The following TIAM2 variants were observed in gnomAD, a reference collection of about 807,000 sequenced individuals.
The protein encoded by TIAM2 is rho guanine nucleotide exchange factor TIAM2.
In TIAM2, 80 loss-of-function variants were observed where a neutral mutation model predicts 152.9. The ratio of observed to expected loss-of-function variants is 0.52; its 90% CI spans 0.44 to 0.63. The LOEUF (loss-of-function observed/expected upper bound fraction) is 0.63. Ranked by LOEUF, TIAM2 falls within the 30% of genes least tolerant of loss-of-function variation. TIAM2 has a pLI of 0.00. For synonymous variants in TIAM2, 804 were observed against 838.0 expected (o/e 0.96, Z 0.70); for missense variants, 1,965 against 2,120.1 (o/e 0.93, Z 1.44).
At chr6:155,112,039 A>G (rs1297021090) in intron 2 of TIAM2, among the ~76,000 whole-genome samples, 1 of 152,004 alleles carries the variant, frequency 6.6e-6, no homozygotes, top group Non-Finnish European at 1.5e-5. Flanking sequence ...TATTTGAATC[A>G]GAAACATTTG....
chr6:155,110,881 T>G (rs891989141), intron 2 of TIAM2, among the ~76,000 whole-genome samples: 1 of 152,170 alleles, frequency 6.6e-6, no homozygotes, highest in Non-Finnish European at 1.5e-5. Context: ...TTCCTAGGAC[T>G]TGAATAAAGG....
chr6:155,237,282 G>T (rs1782814808), intron 15 of TIAM2, among the ~76,000 whole-genome samples: 1 of 152,242 alleles, frequency 6.6e-6, no homozygotes, highest in Non-Finnish European at 1.5e-5. Flanking sequence ...TCACACTGAT[G>T]CAAGAGGTGG....
At chr6:155,094,161 T>C (rs1409958859) in intron 2 of TIAM2, among the ~76,000 whole-genome samples, 3 of 152,200 alleles carry the variant, frequency 2.0e-5, no homozygotes, top group Non-Finnish European at 2.9e-5. Flanking sequence ...TCTGGCAACA[T>C]TGGGTTCTAC....
intron 4 of TIAM2, among the ~76,000 whole-genome samples, chr6:155,130,726 G>C (rs992127768): frequency 1.3e-5 from 2 of 152,174 alleles, no homozygotes; most frequent in African/African-American, 2.4e-5. Context: ...CTGGAGGCTG[G>C]AAGTCAGAGG....
At chr6:155,183,960 C>T (rs1207633914) in intron 14 of TIAM2, among the ~76,000 whole-genome samples, 1 of 152,076 alleles carries the variant, frequency 6.6e-6, no homozygotes, top group East Asian at 1.9e-4. Flanking sequence ...TATTAATAAA[C>T]AGCAAACTTT....
chr6:155,062,468 T>G (rs1777605069), intron 1 of TIAM2, among the ~76,000 whole-genome samples: 1 of 151,942 alleles, frequency 6.6e-6, no homozygotes, highest in Admixed American at 6.6e-5. Context: ...TTGCTCCATA[T>G]CCTCACCAGC....
intron 1 of TIAM2, among the ~76,000 whole-genome samples, chr6:155,001,534 A>G (rs1778312487): frequency 6.6e-6 from 1 of 152,220 alleles, no homozygotes; most frequent in African/African-American, 2.4e-5. Flanking sequence ...GTGCCCTGAG[A>G]AGGTTCCCTG....
chr6:155,247,629 C>T (rs948588317), intron 19 of TIAM2, among the ~76,000 whole-genome samples: 10 of 152,360 alleles, frequency 6.6e-5, no homozygotes, highest in East Asian at 1.9e-4. Flanking sequence ...CACCTGGCCA[C>T]GCTTCATGGC....
intron 16 of TIAM2, among the ~76,000 whole-genome samples, chr6:155,242,314 CTTTT>C (rs1479595740): frequency 6.6e-6 from 1 of 152,220 alleles, no homozygotes. Context: ...TTCTTCATTT[CTTTT>C]TTGTTGCTGA....
chr6:155,128,949 C>T lies in TIAM2; in HGVS notation c.-6-269C>T, dbSNP rs1043612709. Among the ~76,000 whole-genome samples, 10 of 152,234 alleles carry T rather than the reference C, an allele frequency of 6.6e-5. No homozygotes were observed. In the East Asian group the frequency reaches 1.5e-3, roughly 23 times the overall value. On this transcript the variant is annotated intron_variant, in intron 3 of 26. Transcript: ENST00000682666. Reference sequence around the variant, plus strand: ...CTTTCTCATAAGCTGATTTTTATGCCTGTTCGCCTTCTAAATTAATATTGT... The same window carrying T: ...CTTTCTCATAAGCTGATTTTTATGCTTGTTCGCCTTCTAAATTAATATTGT...
chr6:155,153,568 G>A (rs1583217265), intron 7 of TIAM2, among the ~76,000 whole-genome samples: 1 of 151,218 alleles, frequency 6.6e-6, no homozygotes, highest in South Asian at 2.1e-4. Context: ...TATGTTTGCT[G>A]TGCCCGCTGT....
chr6:155,072,584 T>C (rs1011594141), intron 1 of TIAM2, among the ~76,000 whole-genome samples: 3 of 152,122 alleles, frequency 2.0e-5, no homozygotes. Flanking sequence ...AGGGTAGGGT[T>C]GAAAAAGAAT....
chr6:155,185,421 C>T lies in TIAM2; in HGVS notation c.3064+1921C>T, dbSNP rs564409284. ...GGATTACAGGTGTAAGCAACCGCGC[C>T]CGGCTGTTTTTCTTTTCTTTTTAAA... On this transcript the variant is annotated intron_variant, in intron 14 of 26. Transcript: ENST00000682666. Among the ~76,000 whole-genome samples the T allele has an allele frequency of 2.0e-5, 3 of 151,998 alleles. No individual in the cohort carries two copies. The South Asian group carries it at 6.2e-4, about 32-fold the overall frequency.
chr6:155,228,960 A>G (rs539455622), intron 15 of TIAM2, among the ~76,000 whole-genome samples: 6 of 152,262 alleles, frequency 3.9e-5, no homozygotes, highest in South Asian at 4.1e-4. Flanking sequence ...CATGCCCCCT[A>G]GGCACTCAGG....
chr6:155,161,037 A>G (rs1391360425), intron 7 of TIAM2, among the ~76,000 whole-genome samples: 1 of 152,178 alleles, frequency 6.6e-6, no homozygotes, highest in Non-Finnish European at 1.5e-5. Flanking sequence ...TTGACTTTCC[A>G]ACAAACCTAA....
At chr6:155,065,501 A>C (rs943171811) in intron 1 of TIAM2, among the ~76,000 whole-genome samples, 1 of 152,000 alleles carries the variant, frequency 6.6e-6, no homozygotes, top group South Asian at 2.1e-4. Flanking sequence ...TTTTAGGTCC[A>C]GCGCAGTGGC....
At chr6:155,128,834 C>T (rs1779363211) in intron 3 of TIAM2, among the ~76,000 whole-genome samples, 1 of 151,966 alleles carries the variant, frequency 6.6e-6, no homozygotes, top group South Asian at 2.1e-4. Flanking sequence ...GCACTGCACT[C>T]CAGCCTGGAT....
intron 7 of TIAM2, among the ~76,000 whole-genome samples, chr6:155,149,651 G>C (rs1331035055): frequency 1.3e-5 from 2 of 152,138 alleles, no homozygotes; most frequent in African/African-American, 4.8e-5. Flanking sequence ...GGCTGGGCAT[G>C]GTGGCTGACG....
intron 16 of TIAM2, 36 bp from the exon 17 acceptor site, chr6:155,243,975 A>G (rs367605736): frequency 5.6e-6 from 9 of 1,599,574 alleles, no homozygotes; most frequent in Non-Finnish European, 7.7e-6. Flanking sequence ...TTTGGAGACT[A>G]AAGCGTTGAA....
Sources: allele counts gnomAD v4.1 joint callset (sites outside exome capture counted in the v4.1 genomes callset), GRCh38; gene constraint gnomAD v4.1.1; transcripts MANE v1.5; gene names NCBI Gene and HGNC (gene_info 2026-07-23, HGNC 2026-07-21).